Variants in USB1 observed in about 807,000 individuals in gnomAD.
The protein encoded by USB1 is U6 snRNA biogenesis phosphodiesterase 1.
A neutral mutation model predicts 29.9 loss-of-function variants in USB1; 21 were observed. That is an observed-to-expected ratio of 0.70 (90% CI 0.50 to 1.01). USB1 has a LOEUF of 1.01. Ranked by LOEUF, USB1 falls within the 50% of genes least tolerant of loss-of-function variation. The pLI is 0.00. For synonymous variants in USB1, 143 were observed against 134.9 expected, an observed-to-expected ratio of 1.06 and a Z score of -0.42; for missense variants, 330 against 347.1, an observed-to-expected ratio of 0.95 and a Z score of 0.39.
upstream of USB1, chr16:58,000,557 G>C (rs1453086324): frequency 6.7e-6 from 1 of 150,250 alleles, no homozygotes; most frequent in South Asian, 2.0e-4. The surrounding 1 kb of genome is among the most constrained non-coding windows in gnomAD (Gnocchi z 4.5). Context: ...GGGGGCGGGG[G>C]ACGGGCTAGC....
At chr16:58,002,788 A>G (rs1236594770) in intron 2 of USB1, 143 bp downstream of exon 2, 5 of 1,227,210 alleles carry the variant, frequency 4.1e-6, no homozygotes, top group Admixed American at 2.1e-5. Flanking sequence ...TAGCAGAGAA[A>G]GAGCAGGTTT....
At chr16:58,008,864 A>AATATTT (rs1424893839) in intron 2 of USB1, among the ~76,000 whole-genome samples, 1 of 152,150 alleles carries the variant, frequency 6.6e-6, no homozygotes, top group East Asian at 1.9e-4. Flanking sequence ...TTTTGTTCAA[A>AATATTT]ATATTTATAA....
intron 2 of USB1, among the ~76,000 whole-genome samples, chr16:58,005,838 T>C (rs1963338771): frequency 6.6e-6 from 1 of 152,230 alleles, no homozygotes; most frequent in Admixed American, 6.5e-5. Flanking sequence ...GTTAGATTTA[T>C]ACTTAAGTAT....
rs376591711 is a variant in USB1 at position 58,014,226 on chromosome 16, CT to C, written c.450-40del. 165 of 1,515,598 alleles carry C rather than the reference CT, an allele frequency of 1.1e-4. No homozygotes were observed. In the African/African-American group the frequency reaches 2.1e-3, roughly 19 times the overall value. The allele number at this position is 1,515,598 out of a possible 1,614,324, so 93.9% of individuals were successfully genotyped here. A position where few individuals can be genotyped will look rare whatever the true frequency, so the allele number is the denominator to read the frequency against. On this transcript the variant is annotated intron_variant, in intron 3 of 6. Coordinates refer to ENST00000219281, the MANE Select transcript of USB1 (RefSeq NM_024598.4). ...TTTTTAACATAAGCTATTTTTTCTG[CT>C]TTTTTTCTTACGATTTTTCCTGAAA...
chr16:58,001,240 G>C, upstream of USB1: 1 of 605,856 alleles, frequency 1.7e-6, no homozygotes, highest in Non-Finnish European at 2.9e-6. Flanking sequence ...GAAGGCTGGG[G>C]AGGTCCCAGC....
At chr16:58,020,024 C>A in intron 6 of USB1, 117 bp from the exon 7 acceptor site, 1 of 886,510 alleles carries the variant, frequency 1.1e-6, no homozygotes. Context: ...GAGCCTGGAG[C>A]CTGCAGCCTC....
chr16:58,015,367 A>C (rs955523392), intron 4 of USB1: 5 of 152,238 alleles, frequency 3.3e-5, no homozygotes, highest in Admixed American at 1.3e-4. Context: ...AAAGTATTAA[A>C]GTGTTAGATG....
At chr16:58,003,658 A>G (rs1219070836) in intron 2 of USB1, among the ~76,000 whole-genome samples, 1 of 152,156 alleles carries the variant, frequency 6.6e-6, no homozygotes, top group Non-Finnish European at 1.5e-5. Context: ...CCATCTGTGT[A>G]TCTTCCTCAG....
chr16:58,020,091 G>A, intron 6 of USB1, 50 bp from the exon 7 acceptor site: 1 of 1,590,112 alleles, frequency 6.3e-7, no homozygotes, highest in Non-Finnish European at 8.6e-7. Context: ...TGCCCTGTGG[G>A]TCCCAGATGC....
rs1963711833 is a variant in USB1 at position 58,020,474 on chromosome 16, C to T, written c.*229C>T. 2 of 584,576 alleles carry T rather than the reference C, an allele frequency of 3.4e-6. No homozygotes were observed. The highest frequency in any genetic ancestry group is 6.1e-6 in the Non-Finnish European group (2 of 326,518). 36.2% of individuals were successfully genotyped at this position (584,576 alleles called of 1,614,324 possible). A position where few individuals can be genotyped will look rare whatever the true frequency, so the allele number is the denominator to read the frequency against. On this transcript the variant is annotated 3_prime_UTR_variant, in exon 7 of 7. Coordinates refer to ENST00000219281, the MANE Select transcript of USB1 (RefSeq NM_024598.4). ...TCTCCTCTCTTTCTCTCCTCTGTCT[C>T]TCTTCCTCTCCTCTCTTCCTCTCTT...
chr16:58,001,477 A>T lies in USB1; in HGVS notation c.-7A>T. On this transcript the variant is annotated 5_prime_UTR_variant, in exon 1 of 7. Transcript: ENST00000219281. Reference sequence around the variant, plus strand: ...GGACCTGCTCTGGTGGTCTTGGATGAGGCCCCATGAGCGCGGCGCCCCTGG... The same window carrying T: ...GGACCTGCTCTGGTGGTCTTGGATGTGGCCCCATGAGCGCGGCGCCCCTGG... 6.3e-7 allele frequency: 1 copy of T among 1,594,676 alleles called. No homozygotes were observed. Among genetic ancestry groups the T allele is most frequent in the Non-Finnish European group, 8.5e-7 (1 of 1,171,438 alleles).
chr16:58,017,432 T>C lies in USB1; in HGVS notation c.602T>C (p.Phe201Ser). 6.2e-7 allele frequency: 1 copy of C among 1,613,964 alleles called. No individual in the cohort carries two copies. The highest frequency in any genetic ancestry group is 8.5e-7 in the Non-Finnish European group (1 of 1,179,792). Residue 201 changes from phenylalanine to serine, a missense_variant, in exon 5 of 7, where the codon TTC becomes TCC. Coordinates refer to ENST00000219281, the MANE Select transcript of USB1 (RefSeq NM_024598.4). ...RVMEEFNLTT[F>S]YQDPSFHLSL... is the part of the protein sequence containing the mutation. ...ATGGAGGAATTCAACCTCACCACTT[T>C]CTACCAGGTAATGAATGGGGCTGCT...
chr16:58,017,839 C>CT lies in USB1; in HGVS notation c.609+401dup, dbSNP rs1429821816. Among the ~76,000 whole-genome samples the CT allele has an allele frequency of 2.6e-5, 4 of 152,292 alleles. No homozygotes were observed. The South Asian group carries it at 8.3e-4, about 32-fold the overall frequency. ...CAGGCCCTCCAAGGGCACTTGGACT[C>CT]TAAGTCGACTCTCAGGGCTTTGAAG... On this transcript the variant is annotated intron_variant, in intron 5 of 6. Coordinates refer to ENST00000219281, the MANE Select transcript of USB1 (RefSeq NM_024598.4).
chr16:58,004,162 A>G (rs1237691678), intron 2 of USB1, among the ~76,000 whole-genome samples: 1 of 152,186 alleles, frequency 6.6e-6, no homozygotes, highest in African/African-American at 2.4e-5. Flanking sequence ...CTTTTCTTAT[A>G]TATGGATATC....
intron 3 of USB1, 109 bp from the exon 4 acceptor site, chr16:58,014,164 G>A: frequency 2.3e-6 from 2 of 880,758 alleles, no homozygotes; most frequent in Non-Finnish European, 1.8e-6. Context: ...AATATGAAGT[G>A]CAAAATGAGT....
intron 2 of USB1, among the ~76,000 whole-genome samples, chr16:58,009,717 T>G (rs565752931): frequency 2.0e-5 from 3 of 147,114 alleles, no homozygotes; most frequent in Admixed American, 2.0e-4. Flanking sequence ...AGAGCAAGAC[T>G]CCTTCTCAAA....
upstream of USB1, among the ~76,000 whole-genome samples, chr16:58,001,171 C>A (rs1261026664): frequency 6.6e-6 from 1 of 152,120 alleles, no homozygotes; most frequent in Non-Finnish European, 1.5e-5. Flanking sequence ...TCCCGGGTGG[C>A]TGCAGACAGC....
chr16:58,020,355 T>C lies in USB1; in HGVS notation c.*110T>C. ...GCCTCCCAGTAGGAGGCCCCAGCCATGCCTTCAACCTGGCAGGAGGTGTAG... is the reference window on the plus strand; with the variant it reads ...GCCTCCCAGTAGGAGGCCCCAGCCACGCCTTCAACCTGGCAGGAGGTGTAG... On this transcript the variant is annotated 3_prime_UTR_variant, in exon 7 of 7. Transcript: ENST00000219281. 2 of 1,022,034 alleles carry C rather than the reference T, an allele frequency of 2.0e-6. No individual in the cohort carries two copies. The highest frequency in any genetic ancestry group is 3.0e-6 in the Non-Finnish European group (2 of 663,340). The allele number at this position is 1,022,034 out of a possible 1,614,324, so 63.3% of individuals were successfully genotyped here.
chr16:58,014,835 G>C (rs1309267539), intron 4 of USB1, among the ~76,000 whole-genome samples: 1 of 152,106 alleles, frequency 6.6e-6, no homozygotes, highest in Non-Finnish European at 1.5e-5. Context: ...CCAGCACTTT[G>C]AGAGGCCAAG....
Sources: allele counts gnomAD v4.1 joint callset (sites outside exome capture counted in the v4.1 genomes callset), GRCh38; gene constraint gnomAD v4.1.1; non-coding constraint Gnocchi (gnomAD v3.1); transcripts MANE v1.5; gene names NCBI Gene and HGNC (gene_info 2026-07-23, HGNC 2026-07-21).